Variants in PHACTR3 observed in about 807,000 individuals in gnomAD.
PHACTR3 encodes protein phosphatase 1, regulatory subunit 123.
A neutral mutation model predicts 66.8 loss-of-function variants in PHACTR3; 16 were observed. The observed-to-expected ratio is 0.24, with a 90% CI of 0.16 to 0.36. The LOEUF (loss-of-function observed/expected upper bound fraction) is 0.36, where lower values mean the gene tolerates loss of function less well. Among genes scored for constraint, PHACTR3 ranks in the 10% least tolerant of loss-of-function variants. The pLI is 1.00. For missense variants in PHACTR3, 647 were observed against 719.9 expected (o/e 0.90, Z 1.16); for synonymous variants, 323 against 292.1 (o/e 1.11, Z -1.08).
Position 59,743,100 on chromosome 20 carries a change from C to T in PHACTR3, c.119-7C>T, listed in dbSNP as rs2039229140. 2 of 1,609,570 alleles carry T rather than the reference C, an allele frequency of 1.2e-6. No individual in the cohort carries two copies. The highest frequency in any genetic ancestry group is 8.5e-7 in the Non-Finnish European group (1 of 1,177,638). ...ACTTGAGGACCCCCTTGGTTTTCGT[C>T]TTCCAGATGAGATGGACCAAACGCC... On this transcript the variant is annotated splice_polypyrimidine_tract_variant and splice_region_variant and intron_variant, in intron 1 of 12. Transcript: ENST00000371015.
chr20:59,599,441 A>C (rs1268900155), intron 1 of PHACTR3, among the ~76,000 whole-genome samples: 3 of 152,126 alleles, frequency 2.0e-5, no homozygotes, highest in Non-Finnish European at 4.4e-5. Flanking sequence ...CTAACCGTCT[A>C]AGTGCCCGCA....
intron 1 of PHACTR3, among the ~76,000 whole-genome samples, chr20:59,582,012 C>T (rs1201425411): frequency 1.3e-5 from 2 of 152,080 alleles, no homozygotes; most frequent in Admixed American, 6.6e-5. Context: ...AACACATACA[C>T]GTATATATTT....
chr20:59,687,751 C>G lies in PHACTR3; in HGVS notation c.119-55356C>G, dbSNP rs141119328. Among the ~76,000 whole-genome samples the G allele has an allele frequency of 1.0e-3, 155 of 152,260 alleles. 4 individuals are homozygous for G. The East Asian group carries it at 0.028, about 28-fold the overall frequency. ...ACTGGTACCTGGAACAGATACTTAT[C>G]TTGTAGCTGCCACCAAGAAACACTT... On this transcript the variant is annotated intron_variant, in intron 1 of 12. Coordinates refer to ENST00000371015, the MANE Select transcript of PHACTR3 (RefSeq NM_080672.5).
intron 7 of PHACTR3, among the ~76,000 whole-genome samples, chr20:59,788,754 T>C (rs891934606): frequency 5.3e-5 from 8 of 152,160 alleles, no homozygotes; most frequent in Non-Finnish European, 8.8e-5. Flanking sequence ...GCTAACCTTG[T>C]CCTCTTTCCC....
chr20:59,696,726 A>G (rs2146596848), intron 1 of PHACTR3, among the ~76,000 whole-genome samples: 1 of 152,244 alleles, frequency 6.6e-6, no homozygotes, highest in South Asian at 2.1e-4. Context: ...AACACAAGCC[A>G]GCAACCTTTG....
At position 59,774,374 on chromosome 20, in the gene PHACTR3, G is replaced by A. The variant is rs764339774; in HGVS notation, c.1058G>A (p.Arg353Gln). ...TTTGACGGGGCATTGGAGAACAAGC[G>A]AACTGCCGCTAAGGAATCTGAGGAG... The part of the protein sequence containing the change: ...WSFDGALENK[R>Q]TAAKESEENK... The change falls in exon 7 of 13, where the codon CGA becomes CAA. Residue 353 changes from arginine to glutamine, a missense_variant. Coordinates refer to ENST00000371015, the MANE Select transcript of PHACTR3 (RefSeq NM_080672.5). 13 of 1,614,012 alleles carry A rather than the reference G, an allele frequency of 8.1e-6. No individual in the cohort carries two copies. Among genetic ancestry groups the A allele is most frequent in the Middle Eastern group, 1.6e-4 (1 of 6,084 alleles).
intron 1 of PHACTR3, among the ~76,000 whole-genome samples, chr20:59,685,801 C>T (rs2036841105): frequency 6.6e-6 from 1 of 152,226 alleles, no homozygotes; most frequent in Non-Finnish European, 1.5e-5. Flanking sequence ...GCTTCCCCGC[C>T]TCACATTCCC....
At chr20:59,737,585 T>G (rs1019252864) in intron 1 of PHACTR3, among the ~76,000 whole-genome samples, 1 of 152,112 alleles carries the variant, frequency 6.6e-6, no homozygotes, top group Admixed American at 6.5e-5. Context: ...TGCGTGTGTG[T>G]GCATGCACAC....
At chr20:59,828,498 GTGTTA>G (rs1353402865) in intron 8 of PHACTR3, among the ~76,000 whole-genome samples, 11 of 152,296 alleles carry the variant, frequency 7.2e-5, no homozygotes, top group African/African-American at 2.6e-4. Context: ...TGCAGATAGG[GTGTTA>G]TGTTGTTTTT....
intron 1 of PHACTR3, among the ~76,000 whole-genome samples, chr20:59,605,881 C>T (rs1307414294): frequency 2.0e-5 from 3 of 147,830 alleles, no homozygotes; most frequent in Non-Finnish European, 3.0e-5. Context: ...GGGCTGTGTG[C>T]GCCTGTCACC....
At chr20:59,813,912 T>C (rs1392650847) in intron 8 of PHACTR3, among the ~76,000 whole-genome samples, 1 of 152,234 alleles carries the variant, frequency 6.6e-6, no homozygotes, top group Non-Finnish European at 1.5e-5. Context: ...CATTACCCTG[T>C]GTCACATCGT....
intron 1 of PHACTR3, among the ~76,000 whole-genome samples, chr20:59,712,619 A>G (rs1262013934): frequency 6.6e-6 from 1 of 152,190 alleles, no homozygotes; most frequent in South Asian, 2.1e-4. Context: ...CCTCTGTATC[A>G]TAGCCCATCA....
At chr20:59,771,072 G>T (rs1030133500) in intron 5 of PHACTR3, among the ~76,000 whole-genome samples, 1 of 152,176 alleles carries the variant, frequency 6.6e-6, no homozygotes, top group Non-Finnish European at 1.5e-5. Context: ...AAAGCTCTAT[G>T]GGGGCCGTGG....
At chr20:59,831,787 G>C (rs1445393934) in intron 8 of PHACTR3, among the ~76,000 whole-genome samples, 1 of 152,224 alleles carries the variant, frequency 6.6e-6, no homozygotes, top group Non-Finnish European at 1.5e-5. Flanking sequence ...AGGCTATGTA[G>C]TGAGGGAGAG....
chr20:59,688,444 C>G (rs540678274), intron 1 of PHACTR3, among the ~76,000 whole-genome samples: 12 of 152,258 alleles, frequency 7.9e-5, no homozygotes, highest in African/African-American at 2.9e-4. Flanking sequence ...AACCACAGGA[C>G]TATATTGTTA....
rs555382063 is a variant in PHACTR3, at chr20:59,784,240, G to A, written c.1174+9750G>A. Among the ~76,000 whole-genome samples the A allele has an allele frequency of 1.2e-4, 18 of 152,058 alleles. No homozygotes were observed. In the South Asian group the frequency reaches 3.5e-3, roughly 30 times the overall value. On this transcript the variant is annotated intron_variant, in intron 7 of 12. Coordinates refer to ENST00000371015, the MANE Select transcript of PHACTR3 (RefSeq NM_080672.5). ...CCAAATCCAGGACTGTACAGCCCCC[G>A]CAATCGCATGAGTCAATTCCTTAAA... is the stretch of plus-strand genomic sequence containing the variant.
chr20:59,594,267 C>T (rs2033265084), intron 1 of PHACTR3, among the ~76,000 whole-genome samples: 1 of 150,694 alleles, frequency 6.6e-6, no homozygotes, highest in Admixed American at 6.6e-5. Flanking sequence ...AGATTAACTT[C>T]TGTGTGTTAT....
chr20:59,797,000 G>T (rs2041268741), intron 7 of PHACTR3, among the ~76,000 whole-genome samples: 1 of 152,006 alleles, frequency 6.6e-6, no homozygotes, highest in Non-Finnish European at 1.5e-5. Context: ...TTTACTTAAT[G>T]GTGTCTCATA....
intron 1 of PHACTR3, among the ~76,000 whole-genome samples, chr20:59,590,155 ATTG>A (rs1012050178): frequency 2.0e-5 from 3 of 152,202 alleles, no homozygotes; most frequent in Non-Finnish European, 4.4e-5. Context: ...TGATTATGGC[ATTG>A]TTATGTTATG....
Sources: allele counts gnomAD v4.1 joint callset (sites outside exome capture counted in the v4.1 genomes callset), GRCh38; gene constraint gnomAD v4.1.1; transcripts MANE v1.5; gene names NCBI Gene and HGNC (gene_info 2026-07-23, HGNC 2026-07-21).